CNIH3: variants seen among roughly 807,000 people sequenced by gnomAD.
CNIH3 encodes cornichon family AMPA receptor auxiliary protein 3, also known as protein cornichon homolog 3.
A neutral mutation model predicts 24.1 loss-of-function variants in CNIH3; 14 were observed. That is an observed-to-expected ratio of 0.58 (90% CI 0.38 to 0.91). CNIH3 has a LOEUF of 0.91. CNIH3 is among the 40% of genes least tolerant of loss of function. CNIH3 has a pLI of 0.00. For synonymous variants in CNIH3, 68 were observed against 73.8 expected (o/e 0.92, Z 0.40); for missense variants, 178 against 196.8 (o/e 0.90, Z 0.57).
At chr1:224,567,883 G>A (rs1680645450) in intron 4 of CNIH3, among the ~76,000 whole-genome samples, 1 of 152,202 alleles carries the variant, frequency 6.6e-6, no homozygotes, top group African/African-American at 2.4e-5. Context: ...GGGGAGCCTT[G>A]TTAGTCTTTG....
chr1:224,667,001 C>T (rs1685627589), intron 1 of CNIH3, among the ~76,000 whole-genome samples: 1 of 152,214 alleles, frequency 6.6e-6, no homozygotes, highest in Non-Finnish European at 1.5e-5. Flanking sequence ...CCTGTCATCT[C>T]CTGTCACATG....
intron 3 of CNIH3, among the ~76,000 whole-genome samples, chr1:224,547,261 C>A (rs1457066292): frequency 6.6e-6 from 1 of 151,474 alleles, no homozygotes; most frequent in African/African-American, 2.4e-5. Flanking sequence ...CCTGTAATAT[C>A]ATTCATAATA....
chr1:224,726,829 G>A (rs970646438), intron 3 of CNIH3, among the ~76,000 whole-genome samples: 2 of 151,814 alleles, frequency 1.3e-5, no homozygotes, highest in Non-Finnish European at 2.9e-5. Flanking sequence ...GCATGAAATA[G>A]TTTCTCCATT....
intron 3 of CNIH3, among the ~76,000 whole-genome samples, chr1:224,729,139 G>A (rs1275470082): frequency 6.6e-6 from 1 of 152,068 alleles, no homozygotes; most frequent in Non-Finnish European, 1.5e-5. Flanking sequence ...GGCTGGGGAC[G>A]GTGGCTCGTA....
chr1:224,457,313 G>GTA, intron 1 of CNIH3, among the ~76,000 whole-genome samples: 1 of 151,098 alleles, frequency 6.6e-6, no homozygotes, highest in East Asian at 2.0e-4. Flanking sequence ...GTGTGTGTGT[G>GTA]TGTGTCCGTG....
chr1:224,640,022 C>T (rs1221648955), intron 1 of CNIH3, among the ~76,000 whole-genome samples: 1 of 152,184 alleles, frequency 6.6e-6, no homozygotes, highest in Non-Finnish European at 1.5e-5. Context: ...TGCCTGTAAA[C>T]TGTAGATAAG....
At chr1:224,470,136 AGCCTCCT>A (rs1676310872) in intron 1 of CNIH3, among the ~76,000 whole-genome samples, 1 of 151,156 alleles carries the variant, frequency 6.6e-6, no homozygotes, top group Non-Finnish European at 1.5e-5. Flanking sequence ...TTCCTGCCTC[AGCCTCCT>A]GAGTAGCTGG....
chr1:224,726,740 A>G (rs1689044767), intron 3 of CNIH3, among the ~76,000 whole-genome samples: 1 of 152,218 alleles, frequency 6.6e-6, no homozygotes, highest in Non-Finnish European at 1.5e-5. Context: ...GTAATCCCAC[A>G]ATACTTATAT....
intron 2 of CNIH3, among the ~76,000 whole-genome samples, chr1:224,522,010 T>G (rs571556653): frequency 1.3e-5 from 2 of 152,330 alleles, no homozygotes; most frequent in Non-Finnish European, 2.9e-5. Flanking sequence ...GGCTAAGAAG[T>G]TGGCAGTCTT....
At chr1:224,544,935 T>C (rs1679647085) in intron 2 of CNIH3, among the ~76,000 whole-genome samples, 1 of 152,218 alleles carries the variant, frequency 6.6e-6, no homozygotes, top group African/African-American at 2.4e-5. Flanking sequence ...GTCTTCAGGC[T>C]TCTGGCCTGA....
intron 3 of CNIH3, among the ~76,000 whole-genome samples, chr1:224,689,490 C>T (rs866786245): frequency 1.1e-4 from 16 of 152,214 alleles, no homozygotes; most frequent in African/African-American, 2.9e-4. Context: ...CAGCATCACA[C>T]GGTGGGCCGG....
rs186754811 is a variant in CNIH3 at position 224,564,949 on chromosome 1, G to T, written n.451-1250G>T. On this transcript the variant is annotated intron_variant and non_coding_transcript_variant, in intron 3 of 5. Transcript: ENST00000471578. Reference sequence around the variant, plus strand: ...GTGGATGGTTTAGGACCAGACAGATGGTGGGCAGCTGTCATCCACTGCATC... The same window carrying T: ...GTGGATGGTTTAGGACCAGACAGATTGTGGGCAGCTGTCATCCACTGCATC... Among the ~76,000 whole-genome samples, 716 of 152,362 alleles carry T rather than the reference G, an allele frequency of 4.7e-3. 26 individuals are homozygous for T. The highest frequency in any genetic ancestry group is 0.041 in the Admixed American group (622 of 15,306).
intron 3 of CNIH3, among the ~76,000 whole-genome samples, chr1:224,563,460 GGTGT>G (rs55836837): frequency 0.069 from 10,076 of 146,396 alleles, 431 homozygotes; most frequent in African/African-American, 0.12. Context: ...TTTTAGACGG[GGTGT>G]GTGTGTGTGT....
At chr1:224,566,873 G>A (rs1680603993) in intron 4 of CNIH3, among the ~76,000 whole-genome samples, 2 of 152,192 alleles carry the variant, frequency 1.3e-5, no homozygotes, top group South Asian at 4.2e-4. Context: ...TAATTCTTTG[G>A]GTATATACCC....
intron 1 of CNIH3, among the ~76,000 whole-genome samples, chr1:224,445,022 C>T (rs1675094611): frequency 6.7e-6 from 1 of 150,314 alleles, no homozygotes; most frequent in Admixed American, 6.7e-5. Flanking sequence ...AATTGTACAA[C>T]TCAGTTTTTT....
chr1:224,687,229 C>T (rs10915695), intron 3 of CNIH3, among the ~76,000 whole-genome samples: 38,380 of 152,030 alleles, frequency 0.25, 5,066 homozygotes, highest in East Asian at 0.39. Flanking sequence ...AGCCATGTAC[C>T]TACAACTTTA....
chr1:224,468,279 A>G (rs1363888519), intron 1 of CNIH3, among the ~76,000 whole-genome samples: 1 of 151,802 alleles, frequency 6.6e-6, no homozygotes. Flanking sequence ...GGAAAAATTG[A>G]TGTTTTTAGT....
intron 1 of CNIH3, among the ~76,000 whole-genome samples, chr1:224,629,089 C>T (rs1683689658): frequency 6.6e-6 from 1 of 151,848 alleles, no homozygotes; most frequent in Non-Finnish European, 1.5e-5. Context: ...TCACTGCAAC[C>T]TCTGCCTCCC....
At chr1:224,483,834 T>A (rs1676916704) in intron 1 of CNIH3, among the ~76,000 whole-genome samples, 1 of 152,142 alleles carries the variant, frequency 6.6e-6, no homozygotes, top group Non-Finnish European at 1.5e-5. Context: ...TTTTTTCTGA[T>A]AAGAAATTTG....
Sources: gnomAD v4.1 joint callset for allele counts (sites outside exome capture counted in the v4.1 genomes callset) on GRCh38, gnomAD v4.1.1 for gene constraint, MANE v1.5 for transcripts, NCBI Gene and HGNC (gene_info 2026-07-23, HGNC 2026-07-21) for gene names.